The following PPFIA2 variants were observed in gnomAD, a reference collection of about 807,000 sequenced individuals.
The protein encoded by PPFIA2 is liprin-alpha-2.
Under a neutral mutation model 175.5 loss-of-function variants are expected in PPFIA2, and 46 were observed. That is an observed-to-expected ratio of 0.26 (90% CI 0.21 to 0.34). PPFIA2 has a LOEUF of 0.34. Ranked by LOEUF, PPFIA2 falls within the 10% of genes least tolerant of loss-of-function variation. The probability of loss-of-function intolerance (pLI) is 1.00; values close to 1 mark genes in which losing one functional copy is unlikely to be tolerated. For missense variants in PPFIA2, 1,179 were observed against 1,506.1 expected (o/e 0.78, Z 3.60); for synonymous variants, 568 against 511.4 (o/e 1.11, Z -1.49).
chr12:81,291,719 C>T (rs1565948297), intron 24 of PPFIA2, among the ~76,000 whole-genome samples: 1 of 151,920 alleles, frequency 6.6e-6, no homozygotes, highest in Non-Finnish European at 1.5e-5. Flanking sequence ...GAAACCAAAC[C>T]CAGGCTTTGG....
chr12:81,333,388 C>T (rs1218233417), intron 21 of PPFIA2, among the ~76,000 whole-genome samples: 1 of 152,162 alleles, frequency 6.6e-6, no homozygotes, highest in Non-Finnish European at 1.5e-5. Flanking sequence ...ACACCATTCA[C>T]TTATGTTCTC....
At chr12:81,496,263 G>A (rs1433017602) in intron 4 of PPFIA2, among the ~76,000 whole-genome samples, 6 of 152,164 alleles carry the variant, frequency 3.9e-5, no homozygotes, top group Non-Finnish European at 2.9e-5. Context: ...GGAGCTCTTA[G>A]AAGTTTTAAA....
rs1566537889 is a variant in PPFIA2, at chr12:81,375,788, T to C, written c.1131+8A>G. 1 of 1,600,060 alleles carries C rather than the reference T, an allele frequency of 6.2e-7. No individual in the cohort carries two copies. The highest frequency in any genetic ancestry group is 8.6e-7 in the Non-Finnish European group (1 of 1,168,506). On this transcript the variant is annotated splice_region_variant and intron_variant, in intron 10 of 32. Coordinates refer to ENST00000549396, the MANE Select transcript of PPFIA2 (RefSeq NM_003625.5). ...GACCAGAAGAAAACCAAGACAGAGATACTGAACCTGCCGCAGGATAGCTTC... is the reference window on the plus strand; with the variant it reads ...GACCAGAAGAAAACCAAGACAGAGACACTGAACCTGCCGCAGGATAGCTTC...
At chr12:81,636,583 A>C (rs2064087710) in intron 4 of PPFIA2, among the ~76,000 whole-genome samples, 1 of 151,690 alleles carries the variant, frequency 6.6e-6, no homozygotes, top group Non-Finnish European at 1.5e-5. Context: ...GATATTAAAA[A>C]AAAAAAAAGT....
At chr12:81,564,181 T>C (rs922440097) in intron 4 of PPFIA2, among the ~76,000 whole-genome samples, 4 of 152,214 alleles carry the variant, frequency 2.6e-5, no homozygotes, top group African/African-American at 9.7e-5. Context: ...ATAGAAATCA[T>C]TCATCTTCAT....
rs1444187673 is a variant in PPFIA2 at position 81,299,414 on chromosome 12, T to C, written c.2643-32A>G. 2.6e-6 allele frequency: 4 copies of C among 1,544,414 alleles called. No homozygotes were observed. In the South Asian group the frequency reaches 3.6e-5, roughly 14 times the overall value. On this transcript the variant is annotated intron_variant, in intron 22 of 32. Coordinates refer to ENST00000549396, the MANE Select transcript of PPFIA2 (RefSeq NM_003625.5). ...TATATAGCAAAGATTATTAGGCAGG[T>C]ATATGGAAAAATATGGCTGTGATTA...
At chr12:81,467,078 A>G (rs2055797121) in intron 4 of PPFIA2, among the ~76,000 whole-genome samples, 1 of 151,658 alleles carries the variant, frequency 6.6e-6, no homozygotes. Context: ...AACTAATTTT[A>G]TATCAGGGAC....
intron 19 of PPFIA2, among the ~76,000 whole-genome samples, chr12:81,343,645 A>G (rs1385381757): frequency 1.3e-5 from 2 of 152,032 alleles, no homozygotes; most frequent in Non-Finnish European, 2.9e-5. Context: ...TAGAAGTTTG[A>G]ATCTTTGAAA....
chr12:81,318,062 A>T (rs2052802972), intron 22 of PPFIA2, among the ~76,000 whole-genome samples: 1 of 151,624 alleles, frequency 6.6e-6, no homozygotes, highest in South Asian at 2.1e-4. Flanking sequence ...CTAACCCCTG[A>T]CTTCTGGCCT....
chr12:81,313,412 G>C (rs139636893), intron 22 of PPFIA2, among the ~76,000 whole-genome samples: 1 of 152,042 alleles, frequency 6.6e-6, no homozygotes, highest in Non-Finnish European at 1.5e-5. Flanking sequence ...CTCCTCTCAA[G>C]GCATTCATTC....
At chr12:81,520,888 T>C (rs2063037951) in intron 4 of PPFIA2, among the ~76,000 whole-genome samples, 1 of 152,206 alleles carries the variant, frequency 6.6e-6, no homozygotes, top group Non-Finnish European at 1.5e-5. Flanking sequence ...CAGTGCCTGG[T>C]AGCCCAGGAA....
intron 3 of PPFIA2, among the ~76,000 whole-genome samples, chr12:81,695,014 G>A (rs2075730592): frequency 6.6e-6 from 1 of 152,120 alleles, no homozygotes; most frequent in South Asian, 2.1e-4. Flanking sequence ...ATTGGAGTAT[G>A]TTTGCCTAAT....
chr12:81,578,880 A>G (rs1383268151), intron 4 of PPFIA2, among the ~76,000 whole-genome samples: 1 of 151,802 alleles, frequency 6.6e-6, no homozygotes, highest in East Asian at 1.9e-4. Flanking sequence ...TGATTGATAC[A>G]CCTCTTAAAT....
chr12:81,624,461 C>T (rs934535016), intron 4 of PPFIA2, among the ~76,000 whole-genome samples: 1 of 144,612 alleles, frequency 6.9e-6, no homozygotes. Context: ...ATTATAGTGA[C>T]CTGGGCATAT....
chr12:81,479,802 T>C (rs1300384738), intron 4 of PPFIA2, among the ~76,000 whole-genome samples: 1 of 152,208 alleles, frequency 6.6e-6, no homozygotes, highest in East Asian at 1.9e-4. Context: ...CTTCCCTTTG[T>C]GGGTAACCCG....
chr12:81,526,629 T>A (rs1224527874), intron 4 of PPFIA2, among the ~76,000 whole-genome samples: 1 of 152,222 alleles, frequency 6.6e-6, no homozygotes, highest in Non-Finnish European at 1.5e-5. Context: ...TTACAGGATG[T>A]CAAATAGCTG....
intron 4 of PPFIA2, among the ~76,000 whole-genome samples, chr12:81,534,408 A>G (rs1409837300): frequency 2.0e-5 from 3 of 151,672 alleles, no homozygotes; most frequent in African/African-American, 4.8e-5. Flanking sequence ...TGATTTTATT[A>G]TTACATGTTC....
At chr12:81,590,025 G>A (rs916897403) in intron 4 of PPFIA2, among the ~76,000 whole-genome samples, 3 of 152,060 alleles carry the variant, frequency 2.0e-5, no homozygotes, top group Non-Finnish European at 4.4e-5. Context: ...TCTAGGTTAT[G>A]TTCCAGTTAT....
chr12:81,707,732 T>C (rs12369576), intron 3 of PPFIA2, among the ~76,000 whole-genome samples: 47,234 of 149,840 alleles, frequency 0.32, 8,334 homozygotes, highest in Middle Eastern at 0.49. Context: ...CGTATGTTTA[T>C]TGCGGCACTA....
Sources: gnomAD v4.1 joint callset for allele counts (sites outside exome capture counted in the v4.1 genomes callset) on GRCh38, gnomAD v4.1.1 for gene constraint, MANE v1.5 for transcripts, NCBI Gene and HGNC (gene_info 2026-07-23, HGNC 2026-07-21) for gene names.